The following PRR33 variants were observed in gnomAD, a reference collection of about 807,000 sequenced individuals.
PRR33 encodes proline rich 33.
A neutral mutation model predicts 0.5 loss-of-function variants in PRR33; 1 was observed. The observed-to-expected ratio is 2.18, with a 90% CI of 0.77 to 10.34. PRR33 has a LOEUF of 10.34. PRR33 is among the 30% of genes most tolerant of loss of function. PRR33 has a pLI of 0.13. For synonymous variants in PRR33, 226 were observed against 110.0 expected (o/e 2.06, Z -6.60); for missense variants, 552 against 251.8 (o/e 2.19, Z -8.07).
At chr11:1,910,588 T>C in the PRR33 span, among the ~76,000 whole-genome samples, 23 of 152,162 alleles carry the variant, frequency 1.5e-4, no homozygotes, top group Non-Finnish European at 2.9e-4. Context: ...ACTTTATAAG[T>C]AATCAATCAG....
exon 1 of PRR33, chr11:1,890,183 G>A (rs1402043805): frequency 1.4e-5 from 10 of 716,946 alleles, no homozygotes; most frequent in African/African-American, 5.2e-5. Context: ...GGGTGAGGCC[G>A]ATGGAGAACG....
the PRR33 span, among the ~76,000 whole-genome samples, chr11:1,910,500 G>A: frequency 5.3e-5 from 8 of 152,110 alleles, no homozygotes; most frequent in Non-Finnish European, 8.8e-5. Context: ...CAGCCACCTC[G>A]GCCTTCCAAA....
upstream of PRR33, among the ~76,000 whole-genome samples, chr11:1,894,657 A>T (rs1336473573): frequency 6.6e-6 from 1 of 151,964 alleles, no homozygotes; most frequent in Non-Finnish European, 1.5e-5. Flanking sequence ...GTCTGTTGTA[A>T]ACACTCATTT....
At chr11:1,904,199 C>T in the PRR33 span, among the ~76,000 whole-genome samples, 294 of 152,322 alleles carry the variant, frequency 1.9e-3, no homozygotes, top group African/African-American at 6.8e-3. Context: ...CCGCTGGAAG[C>T]TCTACGCCAG....
the PRR33 span, among the ~76,000 whole-genome samples, chr11:1,908,825 G>T: frequency 6.6e-6 from 1 of 152,152 alleles, no homozygotes; most frequent in Non-Finnish European, 1.5e-5. Context: ...GAACAGTAAT[G>T]GTAAAAGCAG....
chr11:1,902,245 A>AC, the PRR33 span, among the ~76,000 whole-genome samples: 1 of 151,830 alleles, frequency 6.6e-6, no homozygotes, highest in African/African-American at 2.4e-5. Flanking sequence ...AAAAAAAAAA[A>AC]AACACACAAT....
At chr11:1,889,233 CG>C in the PRR33 span, 1 of 673,988 alleles carries the variant, frequency 1.5e-6, no homozygotes, top group Non-Finnish European at 2.8e-6. Context: ...GGGAGGGGGC[CG>C]GGTGGCCTCC....
At chr11:1,895,805 C>A (rs752407206), upstream of PRR33, among the ~76,000 whole-genome samples, 4 of 152,144 alleles carry the variant, frequency 2.6e-5, no homozygotes, top group Non-Finnish European at 5.9e-5. Flanking sequence ...AGCATGGTTT[C>A]TTGAAGAAGC....
the PRR33 span, among the ~76,000 whole-genome samples, chr11:1,898,517 G>T: frequency 1.3e-5 from 2 of 152,102 alleles, no homozygotes; most frequent in Non-Finnish European, 2.9e-5. Context: ...TTACAGGCGT[G>T]AGCCACCACG....
At chr11:1,893,629 T>G (rs1092608), upstream of PRR33, among the ~76,000 whole-genome samples, 64,722 of 146,248 alleles carry the variant, frequency 0.44, 15,284 homozygotes, top group East Asian at 0.8. Context: ...GGTGGGTGGA[T>G]GGATGGATGG....
At chr11:1,915,891 T>C in the PRR33 span, among the ~76,000 whole-genome samples, 1 of 149,252 alleles carries the variant, frequency 6.7e-6, no homozygotes, top group Non-Finnish European at 1.5e-5. Context: ...GGTAGATAGA[T>C]GGATAGGTGG....
At chr11:1,892,917 G>A (rs1236290745), upstream of PRR33, among the ~76,000 whole-genome samples, 2 of 151,712 alleles carry the variant, frequency 1.3e-5, no homozygotes, top group African/African-American at 4.8e-5. Context: ...AGCGAGTGGA[G>A]GGATGGGTGA....
At chr11:1,905,190 G>A in the PRR33 span, among the ~76,000 whole-genome samples, 1 of 139,572 alleles carries the variant, frequency 7.2e-6, no homozygotes, top group South Asian at 2.3e-4. Context: ...GCAGTGGCGC[G>A]ATCTCAGCTC....
chr11:1,890,956 C>T (rs1055814268), exon 1 of PRR33: 119 of 203,052 alleles, frequency 5.9e-4, no homozygotes, highest in African/African-American at 2.6e-3. Context: ...GACGGAGACG[C>T]GGGTGAGCCC....
At chr11:1,889,892 C>T (rs1343483261) in exon 1 of PRR33, 1 of 627,312 alleles carries the variant, frequency 1.6e-6, no homozygotes, top group Non-Finnish European at 2.9e-6. Flanking sequence ...CTGTGGTGGG[C>T]AGTGGGCGGA....
At chr11:1,899,395 G>A in the PRR33 span, among the ~76,000 whole-genome samples, 1 of 152,128 alleles carries the variant, frequency 6.6e-6, no homozygotes, top group Non-Finnish European at 1.5e-5. Context: ...AAAACCAAAT[G>A]TCTGGGTTCT....
upstream of PRR33, among the ~76,000 whole-genome samples, chr11:1,894,243 G>GTA (rs1849099956): frequency 1.3e-5 from 2 of 151,592 alleles, no homozygotes; most frequent in Admixed American, 1.3e-4. Context: ...GTGTGTGTGT[G>GTA]TGTGTGTGTG....
chr11:1,901,920 G>A, the PRR33 span, among the ~76,000 whole-genome samples: 8 of 152,322 alleles, frequency 5.3e-5, no homozygotes, highest in Non-Finnish European at 1.2e-4. Flanking sequence ...TATTAGGCTG[G>A]TTGAAAAGTA....
At chr11:1,891,685 C>G (rs892528235) in exon 1 of PRR33, 2 of 152,918 alleles carry the variant, frequency 1.3e-5, no homozygotes, top group African/African-American at 2.4e-5. Context: ...GCTCGGGGAG[C>G]AGGCTCTGTG....
Sources: gnomAD v4.1 joint callset for allele counts (sites outside exome capture counted in the v4.1 genomes callset) on GRCh38, gnomAD v4.1.1 for gene constraint, MANE v1.5 for transcripts, NCBI Gene and HGNC (gene_info 2026-07-23, HGNC 2026-07-21) for gene names.